Variants in PHF21B observed in about 807,000 individuals in gnomAD.
PHF21B encodes the protein PHD finger protein 21B, also known as PHD finger protein 4.
PHF21B carries 22 observed loss-of-function variants against 62.2 expected under a neutral mutation model. The observed-to-expected ratio is 0.35, with a 90% CI of 0.25 to 0.51. The LOEUF (loss-of-function observed/expected upper bound fraction) is 0.51. Ranked by LOEUF, PHF21B falls within the 20% of genes least tolerant of loss-of-function variation. PHF21B has a pLI of 0.97. For missense variants in PHF21B, 701 were observed against 707.9 expected, an observed-to-expected ratio of 0.99 and a Z score of 0.11; for synonymous variants, 341 against 314.7, an observed-to-expected ratio of 1.08 and a Z score of -0.88.
chr22:44,945,012 G>C (rs1039245905), intron 2 of PHF21B, among the ~76,000 whole-genome samples: 1 of 117,050 alleles, frequency 8.5e-6, no homozygotes, highest in Non-Finnish European at 1.8e-5. Context: ...CTGCATACCG[G>C]GCTGCGCCTG....
chr22:44,994,563 C>A (rs1254418612), intron 2 of PHF21B, among the ~76,000 whole-genome samples: 1 of 152,228 alleles, frequency 6.6e-6, no homozygotes, highest in Non-Finnish European at 1.5e-5. Flanking sequence ...TTTTACGCTG[C>A]CCAGCTCGTG....
chr22:44,916,979 G>A (rs1019130350), intron 3 of PHF21B, among the ~76,000 whole-genome samples: 4 of 152,358 alleles, frequency 2.6e-5, no homozygotes, highest in Middle Eastern at 3.4e-3. Flanking sequence ...AGTCCCAAGC[G>A]GCAAAGCCCC....
intron 12 of PHF21B, among the ~76,000 whole-genome samples, chr22:44,884,066 C>CACG (rs2070790197): frequency 6.7e-6 from 1 of 148,266 alleles, no homozygotes; most frequent in African/African-American, 2.5e-5. Context: ...TCACCACCAC[C>CACG]ATGATCACCA....
At chr22:44,983,233 C>A (rs1367488934) in intron 2 of PHF21B, among the ~76,000 whole-genome samples, 33 of 149,330 alleles carry the variant, frequency 2.2e-4, no homozygotes, top group South Asian at 4.2e-4. Flanking sequence ...GACTCTGTCT[C>A]AAAAAAAAAA....
At chr22:44,995,760 G>A (rs1259475592) in intron 2 of PHF21B, among the ~76,000 whole-genome samples, 2 of 151,932 alleles carry the variant, frequency 1.3e-5, no homozygotes, top group Admixed American at 6.6e-5. Flanking sequence ...CAGAGATGAG[G>A]GAGGGAGGAA....
At chr22:44,884,641 CCACCATCACCATCACTGTGGTCTG>C (rs981633583) in intron 12 of PHF21B, among the ~76,000 whole-genome samples, 29 of 150,672 alleles carry the variant, frequency 1.9e-4, no homozygotes, top group South Asian at 1.9e-3. Flanking sequence ...ATTATCATCA[CCACCATCACCATCACTGTGGTCTG>C]CACCATCACC....
At chr22:44,918,841 G>A (rs1349068003) in intron 3 of PHF21B, among the ~76,000 whole-genome samples, 1 of 152,222 alleles carries the variant, frequency 6.6e-6, no homozygotes, top group African/African-American at 2.4e-5. Context: ...TTGATTGGCA[G>A]CCTCTCCCTG....
At chr22:44,957,652 C>A (rs2072328472) in intron 2 of PHF21B, among the ~76,000 whole-genome samples, 1 of 152,154 alleles carries the variant, frequency 6.6e-6, no homozygotes, top group Non-Finnish European at 1.5e-5. Flanking sequence ...AATTATAAAA[C>A]CCTTTCCTGT....
At chr22:44,928,386 G>A (rs2147332243) in intron 2 of PHF21B, among the ~76,000 whole-genome samples, 1 of 152,256 alleles carries the variant, frequency 6.6e-6, no homozygotes, top group East Asian at 1.9e-4. Flanking sequence ...ATTTAGAACA[G>A]CCCCACAGCA....
At chr22:44,948,197 A>G (rs1274089472) in intron 2 of PHF21B, among the ~76,000 whole-genome samples, 29 of 152,190 alleles carry the variant, frequency 1.9e-4, no homozygotes, top group Non-Finnish European at 4.4e-5. Context: ...TTCTGTTATT[A>G]TTACATTGTA....
At position 44,886,217 on chromosome 22, in the gene PHF21B, G is replaced by A. The variant is rs146413271; in HGVS notation, c.1198-279C>T. On this transcript the variant is annotated intron_variant, in intron 10 of 12. Coordinates refer to ENST00000313237, the MANE Select transcript of PHF21B (RefSeq NM_138415.5). ...TTCTCGAACGAACGAATGATCACCT[G>A]TCTTCCTCCCACGTCCAGAAGACCT... 2.4e-3 allele frequency among the ~76,000 whole-genome samples: 370 copies of A among 152,126 alleles called. 6 individuals carry two copies. The East Asian group carries it at 0.041, about 17-fold the overall frequency.
intron 2 of PHF21B, among the ~76,000 whole-genome samples, chr22:44,996,977 C>T (rs1020553050): frequency 6.6e-6 from 1 of 152,206 alleles, no homozygotes; most frequent in African/African-American, 2.4e-5. Context: ...ACCAGAGCAC[C>T]TGCCACCTTC....
chr22:44,991,525 A>G (rs531146521), intron 2 of PHF21B, among the ~76,000 whole-genome samples: 2 of 152,188 alleles, frequency 1.3e-5, no homozygotes, highest in African/African-American at 2.4e-5. Flanking sequence ...AGGAGACCCA[A>G]GGAGAGGCTG....
At chr22:44,961,025 C>T (rs566775942) in intron 2 of PHF21B, among the ~76,000 whole-genome samples, 12 of 142,300 alleles carry the variant, frequency 8.4e-5, no homozygotes, top group South Asian at 2.2e-4. Flanking sequence ...GGCGCGATCT[C>T]GGCTCACTGC....
At chr22:44,932,935 G>C (rs899697855) in intron 2 of PHF21B, among the ~76,000 whole-genome samples, 1 of 152,226 alleles carries the variant, frequency 6.6e-6, no homozygotes, top group Admixed American at 6.5e-5. Context: ...CCACCGTGCA[G>C]ACCAAGATAC....
At chr22:44,997,209 G>A (rs560385909) in intron 2 of PHF21B, among the ~76,000 whole-genome samples, 1 of 152,226 alleles carries the variant, frequency 6.6e-6, no homozygotes. Context: ...TACGCTGAAG[G>A]TCCTGGGCCA....
At chr22:44,986,234 CATT>C (rs998656264) in intron 2 of PHF21B, among the ~76,000 whole-genome samples, 10 of 151,314 alleles carry the variant, frequency 6.6e-5, no homozygotes, top group South Asian at 2.1e-4. Flanking sequence ...TTATCACCAT[CATT>C]ATGACAACCA....
At position 44,913,748 on chromosome 22, in the gene PHF21B, C is replaced by T. The variant is rs1425252189; in HGVS notation, c.831+74G>A. The T allele has an allele frequency of 1.8e-5, 27 of 1,527,798 alleles. No individual in the cohort carries two copies. The Admixed American group carries it at 2.0e-4, about 11-fold the overall frequency. The allele number at this position is 1,527,798 out of a possible 1,614,324, so 94.6% of individuals were successfully genotyped here. A position where few individuals can be genotyped will look rare whatever the true frequency, so the allele number is the denominator to read the frequency against. ...GACCACCCCACAGTGAGGCCATCCCCGCTATACACAGCGGCCTCAGATGGC... is the reference window on the plus strand; with the variant it reads ...GACCACCCCACAGTGAGGCCATCCCTGCTATACACAGCGGCCTCAGATGGC... On this transcript the variant is annotated intron_variant, in intron 5 of 12. Transcript: ENST00000313237.
intron 1 of PHF21B, chr22:45,008,920 G>A: frequency 8.8e-7 from 1 of 1,136,552 alleles, no homozygotes; most frequent in Non-Finnish European, 1.1e-6. Flanking sequence ...GAGTGTGAGT[G>A]TGTGCCGGGG....
Sources: gnomAD v4.1 joint callset for allele counts (sites outside exome capture counted in the v4.1 genomes callset) on GRCh38, gnomAD v4.1.1 for gene constraint, MANE v1.5 for transcripts, NCBI Gene and HGNC (gene_info 2026-07-23, HGNC 2026-07-21) for gene names.